Variants in OSGIN2 observed in about 807,000 individuals in gnomAD.
The protein encoded by OSGIN2 is oxidative stress-induced growth inhibitor 2.
A neutral mutation model predicts 53.8 loss-of-function variants in OSGIN2; 19 were observed. That is an observed-to-expected ratio of 0.35 (90% confidence interval 0.25 to 0.52). The LOEUF is 0.52. OSGIN2 is among the 20% of genes least tolerant of loss of function. OSGIN2 has a pLI of 0.95. For missense variants in OSGIN2, 520 were observed against 662.7 expected (o/e 0.78, Z 2.36); for synonymous variants, 236 against 236.0 (o/e 1.00, Z 0.00).
At position 89,909,582 on chromosome 8, in the gene OSGIN2, T is replaced by A. The variant is rs752289938; in HGVS notation, c.60T>A (p.Thr20=). 1 of 1,561,080 alleles carries A rather than the reference T, an allele frequency of 6.4e-7. No homozygotes were observed. The highest frequency in any genetic ancestry group is 1.2e-5 in the South Asian group (1 of 82,080). The part of the protein sequence containing the change: ...LAGHFRNYSD[T]ETEGEIFNSL... The stretch of plus-strand genomic sequence containing the variant: ...TTTTTTAAAGAAACTATAGTGACAC[T>A]GAAACTGAAGGAGAGATTTTTAATT... The change falls in exon 2 of 6, where the codon ACT becomes ACA. Residue 20 remains threonine, a synonymous_variant. Coordinates refer to ENST00000451899, the MANE Select transcript of OSGIN2 (RefSeq NM_001126111.3).
In OSGIN2 at chr8:89,924,708, A is replaced by C. The variant is rs1809279031; in HGVS notation, c.826A>C (p.Lys276Gln). The change falls in exon 6 of 6, where the codon AAG becomes CAG. Residue 276 changes from lysine to glutamine, a missense_variant. Physicochemically the swap from Lys to Gln is moderately conservative, Grantham distance 53. Around this residue, in one of 3 missense-constraint regions of OSGIN2, gnomAD observed 78 missense variants for 59.1 expected, o/e 1.32. Transcript: ENST00000451899. ...HLQIEKSNFIKRNWEIRGYQR... is the reference protein window; with the variant it reads ...HLQIEKSNFIQRNWEIRGYQR... ...ACAGATAGAGAAGTCAAACTTTATC[A>C]AGAGAAACTGGGAAATTAGGGGTTA... The C allele has an allele frequency of 3.1e-6, 5 of 1,614,142 alleles. No homozygotes were observed. The highest frequency in any genetic ancestry group is 1.7e-5 in the Admixed American group (1 of 60,026).
intron 3 of OSGIN2, 37 bp downstream of exon 3, chr8:89,914,250 T>C (rs1809032648): frequency 6.7e-7 from 1 of 1,483,104 alleles, no homozygotes; most frequent in African/African-American, 1.4e-5. Flanking sequence ...AAAATTTTTT[T>C]ATGCTGAAAC....
intron 4 of OSGIN2, among the ~76,000 whole-genome samples, chr8:89,920,754 T>C (rs543801896): frequency 1.3e-5 from 2 of 152,356 alleles, no homozygotes; most frequent in South Asian, 4.1e-4. Context: ...TTCCCTGACA[T>C]AATATTGTAC....
chr8:89,903,121 C>T (rs1232044790), intron 1 of OSGIN2, among the ~76,000 whole-genome samples: 1 of 152,340 alleles, frequency 6.6e-6, no homozygotes, highest in Non-Finnish European at 1.5e-5. Flanking sequence ...CGAGCTGAGA[C>T]TTCCCAGTAG....
At chr8:89,909,151 C>T (rs958788695) in intron 1 of OSGIN2, among the ~76,000 whole-genome samples, 17 of 146,352 alleles carry the variant, frequency 1.2e-4, no homozygotes, top group African/African-American at 4.1e-4. Flanking sequence ...ATATAAATAC[C>T]GTAACTTTTT....
At chr8:89,911,937 CA>C (rs35376198) in intron 2 of OSGIN2, among the ~76,000 whole-genome samples, 65,964 of 144,280 alleles carry the variant, frequency 0.46, 17,309 homozygotes, top group African/African-American at 0.74. Flanking sequence ...GACTCCGTCT[CA>C]AAAAAAAAAA....
intron 1 of OSGIN2, among the ~76,000 whole-genome samples, chr8:89,904,210 A>G (rs1450635322): frequency 6.6e-6 from 1 of 152,246 alleles, no homozygotes; most frequent in Non-Finnish European, 1.5e-5. Context: ...TTTAGGAAAT[A>G]GGTTCCCCTA....
chr8:89,918,436 T>C (rs1809127129), intron 4 of OSGIN2, among the ~76,000 whole-genome samples: 1 of 152,136 alleles, frequency 6.6e-6, no homozygotes, highest in Non-Finnish European at 1.5e-5. Context: ...AGTGCTGGGA[T>C]TGCAGGTGTG....
At chr8:89,918,091 C>A (rs537575944) in intron 4 of OSGIN2, among the ~76,000 whole-genome samples, 11 of 152,292 alleles carry the variant, frequency 7.2e-5, no homozygotes, top group African/African-American at 2.4e-4. Context: ...TACCTTCTGC[C>A]ACCGGTTTTC....
intron 1 of OSGIN2, 32 bp from the exon 2 acceptor site, chr8:89,909,533 ATC>A: frequency 8.2e-7 from 1 of 1,224,396 alleles, no homozygotes; most frequent in South Asian, 1.6e-5. Context: ...TATTGACTAT[ATC>A]TCTTTTTATT....
At chr8:89,919,643 G>C (rs1212380988) in intron 4 of OSGIN2, among the ~76,000 whole-genome samples, 1 of 152,164 alleles carries the variant, frequency 6.6e-6, no homozygotes, top group African/African-American at 2.4e-5. Context: ...GCTTTTGTTG[G>C]TAATGTAAAA....
chr8:89,905,537 ATAAT>A (rs1808821827), intron 1 of OSGIN2, among the ~76,000 whole-genome samples: 4 of 151,642 alleles, frequency 2.6e-5, no homozygotes, highest in African/African-American at 9.8e-5. Flanking sequence ...TTTAGAAAGA[ATAAT>A]TACTAAAAGT....
chr8:89,917,811 T>C (rs144216708), intron 4 of OSGIN2, among the ~76,000 whole-genome samples: 3 of 152,282 alleles, frequency 2.0e-5, no homozygotes, highest in African/African-American at 7.2e-5. Context: ...GGAAGAGATA[T>C]TACTACTAAG....
intron 4 of OSGIN2, among the ~76,000 whole-genome samples, chr8:89,917,178 C>T (rs150808696): frequency 2.0e-5 from 3 of 152,324 alleles, no homozygotes; most frequent in Admixed American, 6.5e-5. Flanking sequence ...TCTCCTCATT[C>T]TTGATGATGA....
rs544543367 is a variant in OSGIN2, at chr8:89,925,754, G to C, written c.*222G>C. The C allele has an allele frequency of 1.3e-4, 59 of 450,746 alleles. No individual in the cohort carries two copies. The highest frequency in any genetic ancestry group is 1.1e-3 in the African/African-American group (57 of 51,150). The allele number at this position is 450,746 out of a possible 1,614,324, so 27.9% of individuals were successfully genotyped here. A position where few individuals can be genotyped will look rare whatever the true frequency, so the allele number is the denominator to read the frequency against. The stretch of plus-strand genomic sequence containing the variant: ...GACAAATAGAAACACTGCCAACTTG[G>C]TGTAACTTAAGCTTTCATTTAACTA... On this transcript the variant is annotated 3_prime_UTR_variant, in exon 6 of 6. Transcript: ENST00000451899.
At chr8:89,911,689 C>CT (rs1318945685) in intron 2 of OSGIN2, among the ~76,000 whole-genome samples, 1 of 148,810 alleles carries the variant, frequency 6.7e-6, no homozygotes, top group Non-Finnish European at 1.5e-5. Flanking sequence ...AATCCCAGCA[C>CT]TTTGAGAGGC....
chr8:89,917,923 A>C (rs999427108), intron 4 of OSGIN2, among the ~76,000 whole-genome samples: 1 of 152,148 alleles, frequency 6.6e-6, no homozygotes, highest in South Asian at 2.1e-4. Context: ...GCCAGCTTCT[A>C]TTGGTCGGTA....
At chr8:89,920,187 C>T (rs1175001425) in intron 4 of OSGIN2, among the ~76,000 whole-genome samples, 2 of 152,128 alleles carry the variant, frequency 1.3e-5, no homozygotes, top group African/African-American at 2.4e-5. Context: ...TAGCCTCCCT[C>T]AAAGCAGGTG....
intron 1 of OSGIN2, among the ~76,000 whole-genome samples, chr8:89,906,753 G>A (rs988358365): frequency 4.6e-5 from 7 of 152,164 alleles, no homozygotes; most frequent in African/African-American, 1.7e-4. Flanking sequence ...ACGTGCATTT[G>A]TCTGTATAAT....
Sources: gnomAD v4.1 joint callset for allele counts (sites outside exome capture counted in the v4.1 genomes callset) on GRCh38, gnomAD v4.1.1 for gene constraint, gnomAD v4.1.1 regional missense constraint, MANE v1.5 for transcripts, NCBI Gene and HGNC (gene_info 2026-07-23, HGNC 2026-07-21) for gene names.